The following DSG2 variants were observed in gnomAD, a reference collection of about 807,000 sequenced individuals.
The protein encoded by DSG2 is desmoglein 2, also known as desmoglein-2.
In DSG2, 45 loss-of-function variants were observed where a neutral mutation model predicts 75.6. The observed-to-expected ratio is 0.60, with a 90% CI of 0.47 to 0.76. The LOEUF (loss-of-function observed/expected upper bound fraction) is 0.76, where lower values mean the gene tolerates loss of function less well. Ranked by LOEUF, DSG2 falls within the 30% of genes least tolerant of loss-of-function variation. DSG2 has a pLI of 0.00. For missense variants in DSG2, 1,267 were observed against 1,357.4 expected (o/e 0.93, Z 1.05); for synonymous variants, 429 against 483.9 (o/e 0.89, Z 1.49).
chr18:31,520,731 C>T (rs2073122547), intron 3 of DSG2, 72 bp from the exon 4 acceptor site: 1 of 1,499,958 alleles, frequency 6.7e-7, no homozygotes, highest in Admixed American at 1.8e-5. Flanking sequence ...ACTTCTTAGG[C>T]TTTTGGCTAA....
In DSG2 at chr18:31,545,891, A is replaced by G. The variant is rs1042769; in HGVS notation, c.2505A>G (p.Thr835=). The change falls in exon 15 of 15, where the codon ACA becomes ACG. Residue 835 remains threonine (T), a synonymous_variant. Coordinates refer to ENST00000261590, the MANE Select transcript of DSG2 (RefSeq NM_001943.5). ...ATGATTTGGGACTTAAATTCAAGAC[A>G]CTAGCTGAAGTTTGCCTGGGTCAAA... is the stretch of plus-strand genomic sequence containing the variant. ...FLDDLGLKFK[T]LAEVCLGQKI... is the part of the protein sequence containing the mutation. 0.12 allele frequency: 187,774 copies of G among 1,613,976 alleles called. 13,505 individuals are homozygous for G. Among genetic ancestry groups the G allele is most frequent in the African/African-American group, 0.35 (26,022 of 74,924 alleles).
chr18:31,512,498 G>T (rs949580128), intron 1 of DSG2, among the ~76,000 whole-genome samples: 5 of 152,172 alleles, frequency 3.3e-5, no homozygotes, highest in African/African-American at 7.2e-5. Context: ...CCACTTTATG[G>T]CCTGTTCTCC....
intron 1 of DSG2, among the ~76,000 whole-genome samples, chr18:31,514,830 A>C (rs769011417): frequency 1.3e-5 from 2 of 152,224 alleles, no homozygotes; most frequent in Non-Finnish European, 2.9e-5. Flanking sequence ...TTCCAATAAA[A>C]ATCAGTGAAG....
intron 1 of DSG2, among the ~76,000 whole-genome samples, chr18:31,511,257 G>A (rs1275889454): frequency 6.6e-6 from 1 of 152,166 alleles, no homozygotes; most frequent in Non-Finnish European, 1.5e-5. Context: ...GTGCATTGTA[G>A]GATGTTTGAC....
intron 1 of DSG2, among the ~76,000 whole-genome samples, chr18:31,510,335 C>T (rs920243800): frequency 2.0e-5 from 3 of 152,168 alleles, no homozygotes; most frequent in African/African-American, 7.2e-5. Context: ...TTAGTCTGAT[C>T]TATTAAAGTT....
At position 31,498,183 on chromosome 18, in the gene DSG2, C is replaced by A; in HGVS notation, c.-69C>A. ...GGGGGAGGCCGGGGCCAGGGAGGAG[C>A]CGAGTGCGCGCTCGGGGCAGGCGGC... On this transcript the variant is annotated 5_prime_UTR_variant, in exon 1 of 15. Coordinates refer to ENST00000261590, the MANE Select transcript of DSG2 (RefSeq NM_001943.5). The A allele has an allele frequency of 1.7e-6, 2 of 1,210,988 alleles. No homozygotes were observed. The highest frequency in any genetic ancestry group is 2.1e-6 in the Non-Finnish European group (2 of 970,768). The allele number at this position is 1,210,988 out of a possible 1,614,324, so 75.0% of individuals were successfully genotyped here.
chr18:31,516,928 A>C (rs935205752), intron 1 of DSG2, among the ~76,000 whole-genome samples: 1 of 152,206 alleles, frequency 6.6e-6, no homozygotes, highest in Non-Finnish European at 1.5e-5. Context: ...CCCTGTCCAA[A>C]TGGGTAGCCC....
intron 1 of DSG2, among the ~76,000 whole-genome samples, chr18:31,501,504 T>C (rs1462590100): frequency 1.3e-5 from 2 of 152,210 alleles, no homozygotes; most frequent in African/African-American, 2.4e-5. Context: ...AATCAAGATA[T>C]GGGCAGGGCC....
rs1341794329 is a variant in DSG2, at chr18:31,522,117, A to G, written c.558A>G (p.Ala186=). ...TLVMKINATD[A]DEPNTLNSKI... The stretch of plus-strand genomic sequence containing the variant: ...TGATGAAAATCAATGCAACAGATGC[A>G]GATGAGCCCAATACCCTGAATTCGA... Residue 186 remains alanine (A), a synonymous_variant, in exon 6 of 15, where the codon GCA becomes GCG. Transcript: ENST00000261590. 6.2e-7 allele frequency: 1 copy of G among 1,613,782 alleles called. No individual in the cohort carries two copies. The highest frequency in any genetic ancestry group is 8.5e-7 in the Non-Finnish European group (1 of 1,179,836).
intron 8 of DSG2, among the ~76,000 whole-genome samples, chr18:31,529,904 T>C (rs2073184101): frequency 6.6e-6 from 1 of 152,188 alleles, no homozygotes; most frequent in African/African-American, 2.4e-5. Flanking sequence ...ATTAATTACA[T>C]TTAGAAATTG....
At chr18:31,504,171 A>T (rs555489249) in intron 1 of DSG2, among the ~76,000 whole-genome samples, 65 of 152,310 alleles carry the variant, frequency 4.3e-4, no homozygotes, top group African/African-American at 1.5e-3. Context: ...GATTATTTTC[A>T]TCAGTCAAGG....
intron 9 of DSG2, among the ~76,000 whole-genome samples, chr18:31,533,857 C>T (rs1237205832): frequency 1.3e-5 from 2 of 152,052 alleles, no homozygotes; most frequent in African/African-American, 2.4e-5. Flanking sequence ...CTGTGTGCCT[C>T]GAAGCCACTT....
chr18:31,547,135 A>G lies in DSG2; in HGVS notation c.*392A>G, dbSNP rs886053721. 5.4e-5 allele frequency: 19 copies of G among 350,658 alleles called. No homozygotes were observed. Among genetic ancestry groups the G allele is most frequent in the Middle Eastern group, 9.8e-4 (1 of 1,018 alleles). 21.7% of individuals were successfully genotyped at this position (350,658 alleles called of 1,614,324 possible). A position where few individuals can be genotyped will look rare whatever the true frequency, so the allele number is the denominator to read the frequency against. On this transcript the variant is annotated 3_prime_UTR_variant, in exon 15 of 15. Coordinates refer to ENST00000261590, the MANE Select transcript of DSG2 (RefSeq NM_001943.5). The stretch of plus-strand genomic sequence containing the variant: ...CTGGGTCTCTTTGCCTACCGTATTA[A>G]CATTAAACATTGATGTTCTGTATTC...
intron 6 of DSG2, among the ~76,000 whole-genome samples, chr18:31,523,955 A>G (rs1412498781): frequency 1.3e-5 from 2 of 152,196 alleles, no homozygotes; most frequent in Non-Finnish European, 2.9e-5. Flanking sequence ...TAGTAAGGGG[A>G]CCTCATGGAA....
chr18:31,518,135 T>C, intron 1 of DSG2, 104 bp from the exon 2 acceptor site: 1 of 959,438 alleles, frequency 1.0e-6, no homozygotes, highest in Admixed American at 2.0e-5. Context: ...GGTTAAACTT[T>C]TTTTATGTCT....
intron 1 of DSG2, among the ~76,000 whole-genome samples, chr18:31,514,067 A>G (rs1018753439): frequency 2.6e-4 from 39 of 152,210 alleles, no homozygotes; most frequent in Non-Finnish European, 5.4e-4. Context: ...GCAATGTGGA[A>G]TCGTAGATTG....
At chr18:31,524,960 C>A in intron 8 of DSG2, 72 bp downstream of exon 8, 1 of 1,425,098 alleles carries the variant, frequency 7.0e-7, no homozygotes, top group Non-Finnish European at 9.9e-7. Context: ...ATTTTGAGCC[C>A]TGAACACTTA....
chr18:31,505,593 T>C (rs577805440), intron 1 of DSG2, among the ~76,000 whole-genome samples: 1 of 152,236 alleles, frequency 6.6e-6, no homozygotes, highest in South Asian at 2.1e-4. Context: ...AATAATGATA[T>C]GGATTTCATG....
intron 9 of DSG2, 83 bp downstream of exon 9, chr18:31,531,335 C>T: frequency 2.0e-6 from 3 of 1,473,958 alleles, no homozygotes; most frequent in South Asian, 2.4e-5. Context: ...AATCTGAACA[C>T]TTCATTCCTT....
Sources: gnomAD v4.1 joint callset for allele counts (sites outside exome capture counted in the v4.1 genomes callset) on GRCh38, gnomAD v4.1.1 for gene constraint, MANE v1.5 for transcripts, NCBI Gene and HGNC (gene_info 2026-07-23, HGNC 2026-07-21) for gene names.